SHANK2: variants seen among roughly 807,000 people sequenced by gnomAD.
The protein encoded by SHANK2 is SH3 and multiple ankyrin repeat domains protein 2.
A neutral mutation model predicts 133.7 loss-of-function variants in SHANK2; 43 were observed. The observed-to-expected ratio is 0.32, with a 90% CI of 0.25 to 0.41. The LOEUF (loss-of-function observed/expected upper bound fraction) is 0.41, where lower values mean the gene tolerates loss of function less well. Ranked by LOEUF, SHANK2 falls within the 10% of genes least tolerant of loss-of-function variation. SHANK2 has a pLI of 1.00. For synonymous variants in SHANK2, 1,017 were observed against 952.8 expected (o/e 1.07, Z -1.24); for missense variants, 1,994 against 2,235.8 (o/e 0.89, Z 2.18).
rs1421119616 is a variant in SHANK2, at chr11:71,188,003, G to A, written c.-13+36694C>T. Among the ~76,000 whole-genome samples the A allele has an allele frequency of 2.6e-5, 4 of 152,182 alleles. No homozygotes were observed. The highest frequency in any genetic ancestry group is 2.6e-4 in the Admixed American group (4 of 15,276). ...GGAACTGACCTTCATCTCTGATCCA[G>A]AGGCTTCGTGTCTTCTACTGGTATC... On this transcript the variant is annotated intron_variant, in intron 2 of 25. Coordinates refer to ENST00000601538, the MANE Select transcript of SHANK2 (RefSeq NM_012309.5). This position sits in a 1 kb window ranked among gnomAD's most constrained non-coding sequence, Gnocchi z 4.6.
At chr11:70,687,541 A>T (rs1555019916) in intron 15 of SHANK2, among the ~76,000 whole-genome samples, 1 of 150,488 alleles carries the variant, frequency 6.6e-6, no homozygotes, top group Non-Finnish European at 1.5e-5. Context: ...AAATGCTACC[A>T]ATCAAGGTGG....
chr11:70,950,315 T>G (rs1443604083), intron 10 of SHANK2, among the ~76,000 whole-genome samples: 1 of 151,806 alleles, frequency 6.6e-6, no homozygotes, highest in Non-Finnish European at 1.5e-5. Context: ...TAGCTGGGAT[T>G]ACAGGCGAGC....
intron 2 of SHANK2, among the ~76,000 whole-genome samples, chr11:71,194,237 G>C (rs1191230385): frequency 6.6e-6 from 1 of 152,156 alleles, no homozygotes; most frequent in Non-Finnish European, 1.5e-5. Context: ...TCTGTAGGTG[G>C]CTGTTCTGAT....
chr11:70,567,811 C>A (rs1554982194), intron 17 of SHANK2, among the ~76,000 whole-genome samples: 1 of 152,172 alleles, frequency 6.6e-6, no homozygotes, highest in Non-Finnish European at 1.5e-5. Flanking sequence ...ACTGTCCCAG[C>A]CACCCTGTCT....
intron 17 of SHANK2, among the ~76,000 whole-genome samples, chr11:70,558,156 G>C (rs1330866707): frequency 1.3e-5 from 2 of 152,202 alleles, no homozygotes; most frequent in African/African-American, 4.8e-5. Flanking sequence ...TTCTCGGAGA[G>C]GTTCTTTCTA....
At chr11:70,908,501 C>T (rs1466708113) in intron 10 of SHANK2, among the ~76,000 whole-genome samples, 1 of 152,190 alleles carries the variant, frequency 6.6e-6, no homozygotes, top group East Asian at 1.9e-4. Flanking sequence ...TTTCATTCTG[C>T]GATTTTGCCA....
At chr11:71,206,430 T>C (rs1954128107) in intron 2 of SHANK2, among the ~76,000 whole-genome samples, 1 of 152,022 alleles carries the variant, frequency 6.6e-6, no homozygotes, top group South Asian at 2.1e-4. Flanking sequence ...CAACTGCCAC[T>C]CAGAGTGTCA....
chr11:70,941,543 G>T (rs1001741680), intron 10 of SHANK2, among the ~76,000 whole-genome samples: 6 of 152,204 alleles, frequency 3.9e-5, no homozygotes, highest in Admixed American at 1.3e-4. Flanking sequence ...TCCCCAAGGG[G>T]ATGGCATTTG....
At position 70,908,786 on chromosome 11, in the gene SHANK2, G is replaced by A. The variant is rs182118648; in HGVS notation, c.1108-12219C>T. ...TATGAGGAGGAAAACCACTTTCAGC[G>A]TTTGAAAGTTTCTGACCTAATCAAC... On this transcript the variant is annotated intron_variant, in intron 10 of 25. Transcript: ENST00000601538. Among the ~76,000 whole-genome samples the A allele has an allele frequency of 1.2e-4, 19 of 152,290 alleles. No individual in the cohort carries two copies. The East Asian group carries it at 1.7e-3, about 14-fold the overall frequency.
At chr11:70,583,703 T>C (rs543201390) in intron 17 of SHANK2, among the ~76,000 whole-genome samples, 66 of 152,298 alleles carry the variant, frequency 4.3e-4, no homozygotes, top group African/African-American at 1.4e-3. Context: ...CCACGCTCAC[T>C]GTCAGGAGCC....
chr11:70,611,194 C>T (rs1290067258), intron 17 of SHANK2, among the ~76,000 whole-genome samples: 1 of 152,212 alleles, frequency 6.6e-6, no homozygotes, highest in Non-Finnish European at 1.5e-5. Flanking sequence ...GCGCAAATGC[C>T]ACTTCCTGAG....
chr11:70,658,260 C>G (rs1476562333), intron 17 of SHANK2, among the ~76,000 whole-genome samples: 1 of 122,124 alleles, frequency 8.2e-6, no homozygotes, highest in East Asian at 2.3e-4. Flanking sequence ...CACACACACA[C>G]ACAGACACAC....
intron 17 of SHANK2, among the ~76,000 whole-genome samples, chr11:70,583,795 C>G (rs1188019045): frequency 6.6e-6 from 1 of 152,212 alleles, no homozygotes; most frequent in Non-Finnish European, 1.5e-5. Context: ...CGCAACCCAA[C>G]AAGATCTCAC....
intron 1 of SHANK2, among the ~76,000 whole-genome samples, chr11:71,231,689 G>T (rs1591041586): frequency 6.6e-6 from 1 of 152,248 alleles, no homozygotes; most frequent in East Asian, 1.9e-4. Flanking sequence ...AGGTGTTCAA[G>T]ACCAGCCTGG....
rs1313109906 is a variant in SHANK2, at chr11:70,500,361, C to T, written c.2308+209G>A. ...CACAGGTCAGGGAAGAAACACAGGA[C>T]ACGCTGGGGAATCACAGACAGAAGC... On this transcript the variant is annotated intron_variant, in intron 21 of 25. Coordinates refer to ENST00000601538, the MANE Select transcript of SHANK2 (RefSeq NM_012309.5). The surrounding 1 kb of genome is among the most constrained non-coding windows in gnomAD (Gnocchi z 4.5). 6.6e-6 allele frequency among the ~76,000 whole-genome samples: 1 copy of T among 152,076 alleles called. No homozygotes were observed. Among genetic ancestry groups the T allele is most frequent in the Non-Finnish European group, 1.5e-5 (1 of 68,036 alleles).
rs1222906973 is a variant in SHANK2, at chr11:70,864,034, C to T, written c.1174+32467G>A. The T allele has an allele frequency of 4.9e-5, 18 of 363,784 alleles. 2 individuals carry two copies. Among genetic ancestry groups the T allele is most frequent in the Non-Finnish European group, 1.6e-5 (3 of 186,114 alleles). The allele number at this position is 363,784 out of a possible 1,614,324, so 22.5% of individuals were successfully genotyped here. On this transcript the variant is annotated intron_variant, in intron 11 of 25. Coordinates refer to ENST00000601538, the MANE Select transcript of SHANK2 (RefSeq NM_012309.5). ...TCCATGGCCTCCCCTGTCCTGGCCCCTCAGTCTCTACGACCTGGGCACCTT... is the reference window on the plus strand; with the variant it reads ...TCCATGGCCTCCCCTGTCCTGGCCCTTCAGTCTCTACGACCTGGGCACCTT...
chr11:71,118,734 G>T, intron 4 of SHANK2, 95 bp downstream of exon 4: 6 of 1,048,338 alleles, frequency 5.7e-6, no homozygotes, highest in Non-Finnish European at 8.1e-6. Context: ...AATGCAAATG[G>T]AATTGGTCTC....
chr11:70,790,598 C>T (rs972868348), intron 14 of SHANK2, among the ~76,000 whole-genome samples: 1 of 152,338 alleles, frequency 6.6e-6, no homozygotes, highest in East Asian at 1.9e-4. Context: ...TCTGGGCGTT[C>T]CAGGCTGCTG....
At chr11:71,234,404 AC>A (rs1348892243) in intron 1 of SHANK2, among the ~76,000 whole-genome samples, 20 of 149,836 alleles carry the variant, frequency 1.3e-4, no homozygotes, top group African/African-American at 4.5e-4. Context: ...TAAATAAATA[AC>A]AACAAAATGT....
Sources: gnomAD v4.1 joint callset for allele counts (sites outside exome capture counted in the v4.1 genomes callset) on GRCh38, gnomAD v4.1.1 for gene constraint, Gnocchi (gnomAD v3.1) non-coding constraint, MANE v1.5 for transcripts, NCBI Gene and HGNC (gene_info 2026-07-23, HGNC 2026-07-21) for gene names.